JAZF1: variants seen among roughly 807,000 people sequenced by gnomAD.
JAZF1 encodes juxtaposed with another zinc finger protein 1.
A neutral mutation model predicts 26.4 loss-of-function variants in JAZF1; 8 were observed. That is an observed-to-expected ratio of 0.30 (90% CI 0.18 to 0.55). The LOEUF is 0.55. JAZF1 is among the 20% of genes least tolerant of loss of function. The probability of loss-of-function intolerance (pLI) is 0.94; values close to 1 mark genes in which losing one functional copy is unlikely to be tolerated. For synonymous variants in JAZF1, 126 were observed against 122.3 expected (o/e 1.03, Z -0.20); for missense variants, 199 against 322.0 (o/e 0.62, Z 2.92).
intron 2 of JAZF1, among the ~76,000 whole-genome samples, chr7:27,936,275 G>C (rs973564868): frequency 6.6e-6 from 1 of 152,188 alleles, no homozygotes; most frequent in Non-Finnish European, 1.5e-5. Flanking sequence ...TGCTTGCCAA[G>C]AGGACATGCT....
At chr7:28,004,261 TGCTACAG>T (rs1324937714) in intron 1 of JAZF1, among the ~76,000 whole-genome samples, 1 of 152,208 alleles carries the variant, frequency 6.6e-6, no homozygotes, top group African/African-American at 2.4e-5. Flanking sequence ...GAAACACCCA[TGCTACAG>T]GCTTAATACC....
At chr7:28,139,474 T>A (rs1386279568) in intron 1 of JAZF1, among the ~76,000 whole-genome samples, 1 of 152,170 alleles carries the variant, frequency 6.6e-6, no homozygotes, top group Non-Finnish European at 1.5e-5. Flanking sequence ...AGGAAACGTG[T>A]GGACACACAG....
rs796307907 is a variant in JAZF1 at position 28,141,050 on chromosome 7, C to T, written c.115+39413G>A. On this transcript the variant is annotated intron_variant, in intron 1 of 4. Transcript: ENST00000283928. ...CATTCACAGCATATAGTTTAGTAAGCTCTTGGTTATGTTATGCTATCCCAG... is the reference window on the plus strand; with the variant it reads ...CATTCACAGCATATAGTTTAGTAAGTTCTTGGTTATGTTATGCTATCCCAG... Among the ~76,000 whole-genome samples, 34 of 152,308 alleles carry T rather than the reference C, an allele frequency of 2.2e-4. 1 individual carries two copies. Among genetic ancestry groups the T allele is most frequent in the African/African-American group, 8.2e-4 (34 of 41,562 alleles).
chr7:27,865,605 G>A (rs1427927810), intron 3 of JAZF1, among the ~76,000 whole-genome samples: 1 of 151,968 alleles, frequency 6.6e-6, no homozygotes, highest in Non-Finnish European at 1.5e-5. Flanking sequence ...ATATAAAACA[G>A]GCTAACAGAG....
At chr7:27,930,116 C>CT (rs1287521522) in intron 2 of JAZF1, among the ~76,000 whole-genome samples, 1 of 152,066 alleles carries the variant, frequency 6.6e-6, no homozygotes, top group African/African-American at 2.4e-5. Context: ...CTGCCTCAGC[C>CT]CCCCGAGTAG....
intron 1 of JAZF1, among the ~76,000 whole-genome samples, chr7:28,023,109 C>T (rs1783034001): frequency 6.6e-6 from 1 of 152,140 alleles, no homozygotes; most frequent in African/African-American, 2.4e-5. Flanking sequence ...AGGGGTAGTA[C>T]AAACAACGTC....
chr7:28,167,261 C>T (rs966892437), intron 1 of JAZF1, among the ~76,000 whole-genome samples: 2 of 152,180 alleles, frequency 1.3e-5, no homozygotes, highest in Non-Finnish European at 2.9e-5. Context: ...ACCCCAGCCT[C>T]CTGCAAAAGA....
At chr7:28,148,811 G>GC (rs1255668465) in intron 1 of JAZF1, among the ~76,000 whole-genome samples, 2 of 152,180 alleles carry the variant, frequency 1.3e-5, no homozygotes, top group Non-Finnish European at 2.9e-5. Flanking sequence ...CAATCAGACA[G>GC]CAACAAAGGA....
Position 28,174,821 on chromosome 7 carries a change from G to GT in JAZF1, c.115+5641_115+5642insA, listed in dbSNP as rs1783524345. 2.2e-3 allele frequency among the ~76,000 whole-genome samples: 238 copies of GT among 107,796 alleles called. 36 individuals are homozygous for GT. The highest frequency in any genetic ancestry group is 8.0e-3 in the East Asian group (39 of 4,886). 70.7% of individuals were successfully genotyped at this position (107,796 alleles called of 152,430 possible). A position where few individuals can be genotyped will look rare whatever the true frequency, so the allele number is the denominator to read the frequency against. ...CCTGATCCTGCCTATGGGGTGTGTG[G>GT]GTGTGTGTGTGTGTGTGTGTGTGTG... On this transcript the variant is annotated intron_variant, in intron 1 of 4. Transcript: ENST00000283928.
intron 2 of JAZF1, among the ~76,000 whole-genome samples, chr7:27,943,129 C>T (rs1422319583): frequency 6.6e-6 from 1 of 152,196 alleles, no homozygotes; most frequent in Non-Finnish European, 1.5e-5. Flanking sequence ...CTGAGCATAA[C>T]TGGAGGCAAC....
intron 1 of JAZF1, among the ~76,000 whole-genome samples, chr7:28,052,336 G>C (rs1422829901): frequency 6.6e-6 from 1 of 152,164 alleles, no homozygotes; most frequent in African/African-American, 2.4e-5. Context: ...AAATTACATA[G>C]CTTTTTGTCT....
intron 2 of JAZF1, among the ~76,000 whole-genome samples, chr7:27,925,413 A>G (rs1784590195): frequency 6.6e-6 from 1 of 152,296 alleles, no homozygotes; most frequent in South Asian, 2.1e-4. Flanking sequence ...CTTTTTAAAA[A>G]GACAACATTC....
At chr7:27,884,718 C>T (rs1039616193) in intron 3 of JAZF1, among the ~76,000 whole-genome samples, 4 of 152,212 alleles carry the variant, frequency 2.6e-5, no homozygotes, top group African/African-American at 9.6e-5. Flanking sequence ...TTATACTCCA[C>T]TGTCTGGATA....
rs973313349 is a variant in JAZF1 at position 28,180,607 on chromosome 7, G to C, written c.-30C>G. 2.6e-5 allele frequency: 41 copies of C among 1,581,686 alleles called. No individual in the cohort carries two copies. Among genetic ancestry groups the C allele is most frequent in the Middle Eastern group, 1.8e-4 (1 of 5,608 alleles). Reference sequence around the variant, plus strand: ...CTACATCGAGAGCCCCCCTGGTGTCGGCTCTGCGAGCGCCGGGCGGGCGAG... The same window carrying C: ...CTACATCGAGAGCCCCCCTGGTGTCCGCTCTGCGAGCGCCGGGCGGGCGAG... On this transcript the variant is annotated 5_prime_UTR_variant, in exon 1 of 5. Coordinates refer to ENST00000283928, the MANE Select transcript of JAZF1 (RefSeq NM_175061.4).
intron 1 of JAZF1, among the ~76,000 whole-genome samples, chr7:28,153,410 C>G (rs1053689814): frequency 6.6e-6 from 1 of 152,104 alleles, no homozygotes; most frequent in African/African-American, 2.4e-5. Flanking sequence ...TGAGTAACTT[C>G]TATTGGGGAA....
intron 2 of JAZF1, among the ~76,000 whole-genome samples, chr7:27,950,720 T>C (rs1487392328): frequency 1.3e-5 from 2 of 152,204 alleles, no homozygotes; most frequent in African/African-American, 2.4e-5. Context: ...GTGTCCACTA[T>C]GTGCCATGAG....
At chr7:28,070,747 C>A (rs1313737027) in intron 1 of JAZF1, among the ~76,000 whole-genome samples, 1 of 152,206 alleles carries the variant, frequency 6.6e-6, no homozygotes, top group Non-Finnish European at 1.5e-5. Flanking sequence ...GTGAAGGCAA[C>A]AGAAAGGTAC....
In JAZF1 at chr7:27,880,229, T is replaced by C. The variant is rs112122717; in HGVS notation, c.385+14991A>G. Among the ~76,000 whole-genome samples, 451 of 152,208 alleles carry C rather than the reference T, an allele frequency of 3.0e-3. 4 individuals are homozygous for C. The highest frequency in any genetic ancestry group is 0.01 in the African/African-American group (426 of 41,532). On this transcript the variant is annotated intron_variant, in intron 3 of 4. Coordinates refer to ENST00000283928, the MANE Select transcript of JAZF1 (RefSeq NM_175061.4). Reference sequence around the variant, plus strand: ...CTGGCAAAACTTCCATTTTTGACGATGCCAAGAAACACATATTTGTTGGAA... The same window carrying C: ...CTGGCAAAACTTCCATTTTTGACGACGCCAAGAAACACATATTTGTTGGAA...
chr7:28,068,714 AAGG>A (rs1783924868), intron 1 of JAZF1, among the ~76,000 whole-genome samples: 1 of 151,570 alleles, frequency 6.6e-6, no homozygotes, highest in Non-Finnish European at 1.5e-5. Flanking sequence ...TTTTTTAAAA[AAGG>A]AGGAGGACAA....
Sources: allele counts gnomAD v4.1 joint callset (sites outside exome capture counted in the v4.1 genomes callset), GRCh38; gene constraint gnomAD v4.1.1; transcripts MANE v1.5; gene names NCBI Gene and HGNC (gene_info 2026-07-23, HGNC 2026-07-21).